The following SGIP1 variants were observed in gnomAD, a reference collection of about 807,000 sequenced individuals.
SGIP1 encodes SH3-containing GRB2-like protein 3-interacting protein 1.
SGIP1 carries 38 observed loss-of-function variants against 107.5 expected under a neutral mutation model. That is an observed-to-expected ratio of 0.35 (90% CI 0.27 to 0.46). The LOEUF is 0.46. SGIP1 is among the 20% of genes least tolerant of loss of function. The pLI, the probability that SGIP1 is intolerant of heterozygous loss-of-function variation, is 1.00. For missense variants in SGIP1, 929 were observed against 1,019.5 expected, an observed-to-expected ratio of 0.91 and a Z score of 1.21; for synonymous variants, 365 against 366.1, an observed-to-expected ratio of 1.00 and a Z score of 0.03.
chr1:66,722,895 TTA>T (rs1412912599), intron 19 of SGIP1, among the ~76,000 whole-genome samples: 2 of 152,298 alleles, frequency 1.3e-5, no homozygotes, highest in East Asian at 3.9e-4. Context: ...CAAATTAATA[TTA>T]GTGTTTTTCC....
chr1:66,695,395 T>C, intron 17 of SGIP1, 39 bp from the exon 18 acceptor site: 2 of 1,614,114 alleles, frequency 1.2e-6, no homozygotes, highest in Non-Finnish European at 1.7e-6. Flanking sequence ...CTCCCTTTCC[T>C]TAACCCTTCC....
intron 7 of SGIP1, among the ~76,000 whole-genome samples, chr1:66,651,481 ACT>A (rs2078731295): frequency 6.7e-6 from 1 of 149,710 alleles, no homozygotes; most frequent in Admixed American, 6.8e-5. Flanking sequence ...AAAGCCATTG[ACT>A]CTCTTTCTAG....
At chr1:66,622,816 G>A (rs758250467) in intron 1 of SGIP1, among the ~76,000 whole-genome samples, 2 of 152,138 alleles carry the variant, frequency 1.3e-5, no homozygotes, top group Non-Finnish European at 1.5e-5. Context: ...CATTTCTTAA[G>A]GGACGCTTAG....
At chr1:66,662,408 G>A (rs1457075300) in intron 8 of SGIP1, among the ~76,000 whole-genome samples, 1 of 152,186 alleles carries the variant, frequency 6.6e-6, no homozygotes, top group Non-Finnish European at 1.5e-5. Context: ...GGGATAGACT[G>A]TTTGGTTAGT....
chr1:66,664,918 G>C (rs936034237), intron 8 of SGIP1, among the ~76,000 whole-genome samples: 1 of 152,158 alleles, frequency 6.6e-6, no homozygotes, highest in African/African-American at 2.4e-5. Flanking sequence ...ATCAAGATTT[G>C]AAAAGCAAAA....
chr1:66,684,233 G>C (rs562079129), intron 15 of SGIP1: 20 of 1,549,974 alleles, frequency 1.3e-5, no homozygotes, highest in Non-Finnish European at 1.7e-5. Flanking sequence ...GTGCTCTCCA[G>C]GCACTTTTGT....
chr1:66,675,829 TG>T (rs2149903689), intron 12 of SGIP1, among the ~76,000 whole-genome samples: 1 of 152,208 alleles, frequency 6.6e-6, no homozygotes, highest in Admixed American at 6.5e-5. Context: ...CCACCATGCC[TG>T]GCCTAGAAAG....
rs2086821717 is a variant in SGIP1, at chr1:66,682,003, G to A, written c.949G>A (p.Asp317Asn). 1 of 1,614,108 alleles carries A rather than the reference G, an allele frequency of 6.2e-7. No individual in the cohort carries two copies. Among genetic ancestry groups the A allele is most frequent in the Non-Finnish European group, 8.5e-7 (1 of 1,180,024 alleles). ...TGAAGAAAAGTGGGTCCATTTTTCT[G>A]ATACATCCCCGGAACATGTTACTCC... ...NAEEKWVHFSDTSPEHVTPEL... is the reference protein window; with the variant it reads ...NAEEKWVHFSNTSPEHVTPEL... Residue 317 changes from aspartate (D) to asparagine (N), a missense_variant, in exon 15 of 25, where the codon GAT becomes AAT. Physicochemically the swap from Asp to Asn is conservative, Grantham distance 23. Transcript: ENST00000371037.
intron 21 of SGIP1, among the ~76,000 whole-genome samples, chr1:66,735,456 C>T (rs2094191442): frequency 6.6e-6 from 1 of 151,894 alleles, no homozygotes; most frequent in Non-Finnish European, 1.5e-5. Flanking sequence ...CTCAGATGAT[C>T]CCCGTTCCTT....
At chr1:66,700,970 C>T (rs1047133893) in intron 18 of SGIP1, among the ~76,000 whole-genome samples, 17 of 152,054 alleles carry the variant, frequency 1.1e-4, no homozygotes, top group African/African-American at 4.1e-4. Context: ...ATAATAGGAG[C>T]TACATTTTTT....
intron 16 of SGIP1, 87 bp downstream of exon 16, chr1:66,689,362 G>T: frequency 6.7e-7 from 1 of 1,498,378 alleles, no homozygotes; most frequent in South Asian, 1.4e-5. Flanking sequence ...AGCGTTTAGA[G>T]AACTCGTACA....
At chr1:66,643,923 A>G in intron 7 of SGIP1, 1 of 366,744 alleles carries the variant, frequency 2.7e-6, no homozygotes, top group Non-Finnish European at 4.7e-6. Context: ...CTTTTCAAAA[A>G]GGTGAAAAAT....
rs1026080700 is a variant in SGIP1, at chr1:66,743,689, A to T, written c.*594A>T. On this transcript the variant is annotated 3_prime_UTR_variant, in exon 25 of 25. Coordinates refer to ENST00000371037, the MANE Select transcript of SGIP1 (RefSeq NM_032291.4). ...GAAACTATTTCAGAAAAAAATTCTA[A>T]GGTTACAGCATATTCAAAGAAAAGC... The T allele has an allele frequency of 2.6e-5, 4 of 152,730 alleles. No individual in the cohort carries two copies. Among genetic ancestry groups the T allele is most frequent in the Admixed American group, 2.6e-4 (4 of 15,306 alleles). The allele number at this position is 152,730 out of a possible 1,614,324, so 9.5% of individuals were successfully genotyped here. A position where few individuals can be genotyped will look rare whatever the true frequency, so the allele number is the denominator to read the frequency against.
chr1:66,646,903 G>A (rs560199817), intron 7 of SGIP1, among the ~76,000 whole-genome samples: 4 of 152,286 alleles, frequency 2.6e-5, no homozygotes, highest in Non-Finnish European at 5.9e-5. Context: ...GGCTAATGCA[G>A]GAGTTAACTC....
chr1:66,567,420 T>C (rs562888830), intron 1 of SGIP1, among the ~76,000 whole-genome samples: 1 of 152,286 alleles, frequency 6.6e-6, no homozygotes, highest in African/African-American at 2.4e-5. Context: ...GTCAGATGGG[T>C]AGATTGCAAA....
chr1:66,712,081 C>G (rs919140256), intron 18 of SGIP1, among the ~76,000 whole-genome samples: 3 of 152,140 alleles, frequency 2.0e-5, no homozygotes, highest in African/African-American at 7.2e-5. Context: ...AGCACTCTAG[C>G]TTTCCCCATC....
At chr1:66,609,409 G>T (rs187327539) in intron 1 of SGIP1, among the ~76,000 whole-genome samples, 108 of 152,272 alleles carry the variant, frequency 7.1e-4, no homozygotes, top group African/African-American at 1.9e-3. Context: ...CATCCAAACA[G>T]AAGCAAATAT....
At position 66,618,162 on chromosome 1, in the gene SGIP1, A is replaced by C. The variant is rs544219046; in HGVS notation, c.11-7685A>C. ...TTTTTATGATACATGTTTTGAGCTAAATTGAGTTTTTAGTGTATCATTGTG... is the reference window on the plus strand; with the variant it reads ...TTTTTATGATACATGTTTTGAGCTACATTGAGTTTTTAGTGTATCATTGTG... On this transcript the variant is annotated intron_variant, in intron 1 of 24. Transcript: ENST00000371037. 8.5e-4 allele frequency among the ~76,000 whole-genome samples: 130 copies of C among 152,332 alleles called. 2 individuals carry two copies. The highest frequency in any genetic ancestry group is 4.3e-4 in the Non-Finnish European group (29 of 68,038).
chr1:66,545,372 ACTGT>A (rs1478965846), intron 1 of SGIP1, among the ~76,000 whole-genome samples: 1 of 152,192 alleles, frequency 6.6e-6, no homozygotes, highest in East Asian at 1.9e-4. Context: ...CTAACGAAAG[ACTGT>A]CTGCCTTCAG....
Sources: gnomAD v4.1 joint callset for allele counts (sites outside exome capture counted in the v4.1 genomes callset) on GRCh38, gnomAD v4.1.1 for gene constraint, MANE v1.5 for transcripts, NCBI Gene and HGNC (gene_info 2026-07-23, HGNC 2026-07-21) for gene names.